Variants in BBOX1 observed in about 807,000 individuals in gnomAD.
The protein encoded by BBOX1 is gamma-butyrobetaine hydroxylase 1.
BBOX1 carries 35 observed loss-of-function variants against 41.6 expected under a neutral mutation model. That is an observed-to-expected ratio of 0.84 (90% CI 0.64 to 1.11). The LOEUF is 1.11. Ranked by LOEUF, BBOX1 falls within the 50% of genes most tolerant of loss-of-function variation. BBOX1 has a pLI of 0.00. For missense variants in BBOX1, 458 were observed against 460.6 expected, an observed-to-expected ratio of 0.99 and a Z score of 0.05; for synonymous variants, 163 against 154.7, an observed-to-expected ratio of 1.05 and a Z score of -0.40.
intron 5 of BBOX1, among the ~76,000 whole-genome samples, chr11:27,106,762 ACC>A (rs139097267): frequency 1.3e-5 from 2 of 152,074 alleles, no homozygotes; most frequent in Non-Finnish European, 2.9e-5. Context: ...AGAACTCTCC[ACC>A]CCCAAATCAA....
chr11:27,062,912 T>C (rs1857173683), intron 4 of BBOX1: 1 of 152,346 alleles, frequency 6.6e-6, no homozygotes, highest in Non-Finnish European at 1.5e-5. Context: ...TGCACCTGCT[T>C]GGCTCTTGGC....
At position 27,076,175 on chromosome 11, in the gene BBOX1, G is replaced by C. The variant is rs370472593; in HGVS notation, c.335-16993G>C. Among the ~76,000 whole-genome samples, 495 of 152,326 alleles carry C rather than the reference G, an allele frequency of 3.2e-3. 2 individuals carry two copies. Among genetic ancestry groups the C allele is most frequent in the African/African-American group, 0.011 (478 of 41,588 alleles). ...CACCTAGTGGGGCTGCCACACTCCA[G>C]GTTGGTGCTGGGAAATGTCTGCAAG... On this transcript the variant is annotated intron_variant, in intron 4 of 8. Transcript: ENST00000263182.
intron 4 of BBOX1, among the ~76,000 whole-genome samples, chr11:27,058,844 CT>C (rs1393815767): frequency 6.6e-6 from 1 of 152,068 alleles, no homozygotes; most frequent in Non-Finnish European, 1.5e-5. Context: ...TAAGTTGGAA[CT>C]TTAAAAGGAA....
intron 5 of BBOX1, among the ~76,000 whole-genome samples, chr11:27,110,641 C>T (rs1859027974): frequency 6.6e-6 from 1 of 151,956 alleles, no homozygotes; most frequent in African/African-American, 2.4e-5. Context: ...ATTCATAGAG[C>T]ACTTCCCACA....
intron 2 of BBOX1, among the ~76,000 whole-genome samples, chr11:27,051,082 T>G (rs1851656814): frequency 6.6e-6 from 1 of 152,086 alleles, no homozygotes. Context: ...TCTGCATCTA[T>G]TGAAATGTCC....
At chr11:27,072,642 C>G (rs1857493828) in intron 4 of BBOX1, among the ~76,000 whole-genome samples, 1 of 152,108 alleles carries the variant, frequency 6.6e-6, no homozygotes, top group South Asian at 2.1e-4. Flanking sequence ...AACAAAGTGG[C>G]AGGCATCAAG....
At chr11:27,113,601 A>G (rs1430759716) in intron 5 of BBOX1, among the ~76,000 whole-genome samples, 1 of 151,818 alleles carries the variant, frequency 6.6e-6, no homozygotes, top group Non-Finnish European at 1.5e-5. Flanking sequence ...AGAGCTAAAC[A>G]TTGAGTACAC....
chr11:27,064,049 C>T (rs923996303), intron 4 of BBOX1, among the ~76,000 whole-genome samples: 7 of 152,158 alleles, frequency 4.6e-5, no homozygotes, highest in African/African-American at 1.7e-4. Flanking sequence ...ATGCCTCGCC[C>T]ATGTGATATT....
chr11:27,103,008 G>C (rs1278676688), intron 5 of BBOX1, among the ~76,000 whole-genome samples: 2 of 152,026 alleles, frequency 1.3e-5, no homozygotes, highest in African/African-American at 4.8e-5. Flanking sequence ...GGCCAACATA[G>C]TGAAAACCTG....
intron 2 of BBOX1, among the ~76,000 whole-genome samples, chr11:27,049,238 C>A (rs929210702): frequency 9.9e-5 from 15 of 151,922 alleles, no homozygotes; most frequent in Non-Finnish European, 7.4e-5. Flanking sequence ...CTCACCAAGA[C>A]TTATCTTTTG....
chr11:27,060,316 C>G lies in BBOX1; in HGVS notation c.334+3001C>G, dbSNP rs574859181. Among the ~76,000 whole-genome samples, 6 of 152,202 alleles carry G rather than the reference C, an allele frequency of 3.9e-5. No individual in the cohort carries two copies. The South Asian group carries it at 1.0e-3, about 26-fold the overall frequency. On this transcript the variant is annotated intron_variant, in intron 4 of 8. Coordinates refer to ENST00000263182, the MANE Select transcript of BBOX1 (RefSeq NM_003986.3). Reference sequence around the variant, plus strand: ...TTTGCTATGTGATCTGCCTGCTCCCCCTTTCAGCTTCCATCATGATTTTAA... The same window carrying G: ...TTTGCTATGTGATCTGCCTGCTCCCGCTTTCAGCTTCCATCATGATTTTAA...
intron 5 of BBOX1, among the ~76,000 whole-genome samples, chr11:27,094,662 C>T (rs549396519): frequency 1.1e-4 from 16 of 152,080 alleles, no homozygotes; most frequent in African/African-American, 2.2e-4. Flanking sequence ...CTACTCTTTA[C>T]GTTTGCCACC....
At chr11:27,050,539 T>C (rs986541739) in intron 2 of BBOX1, among the ~76,000 whole-genome samples, 2 of 152,184 alleles carry the variant, frequency 1.3e-5, no homozygotes, top group Non-Finnish European at 2.9e-5. Context: ...CATCGTCTTA[T>C]AGCTTTCAGT....
intron 2 of BBOX1, among the ~76,000 whole-genome samples, chr11:27,048,583 C>T (rs1851566809): frequency 6.6e-6 from 1 of 151,308 alleles, no homozygotes; most frequent in Non-Finnish European, 1.5e-5. Context: ...TTGATATATA[C>T]CACATTTTTA....
rs1455373670 is a variant in BBOX1 at position 27,069,790 on chromosome 11, C to G, written c.334+12475C>G. ...GTTATATATGGCCTTTATTCACCTC[C>G]TAGCATTTTGAGGTACGTTCCTTCA... On this transcript the variant is annotated intron_variant, in intron 4 of 8. Transcript: ENST00000263182. Among the ~76,000 whole-genome samples the G allele has an allele frequency of 4.6e-5, 7 of 152,026 alleles. No homozygotes were observed. The East Asian group carries it at 1.2e-3, about 25-fold the overall frequency.
At chr11:27,105,290 C>T (rs1011644756) in intron 5 of BBOX1, among the ~76,000 whole-genome samples, 3 of 152,002 alleles carry the variant, frequency 2.0e-5, no homozygotes, top group Admixed American at 6.6e-5. Context: ...CAAACTTCTC[C>T]GAGCTAAATA....
intron 2 of BBOX1, among the ~76,000 whole-genome samples, chr11:27,051,142 T>G (rs1241045682): frequency 6.6e-5 from 10 of 152,088 alleles, no homozygotes; most frequent in Non-Finnish European, 1.5e-4. Context: ...ATTTACTGAT[T>G]TGTGTGTGTC....
At position 27,086,655 on chromosome 11, in the gene BBOX1, G is replaced by A. The variant is rs796697864; in HGVS notation, c.335-6513G>A. Among the ~76,000 whole-genome samples the A allele has an allele frequency of 1.1e-4, 16 of 152,216 alleles. 1 individual carries two copies. Among genetic ancestry groups the A allele is most frequent in the African/African-American group, 3.4e-4 (14 of 41,562 alleles). ...CGCAACATTCATTCTGCAGCCCAGG[G>A]AGCAAGGAGTCATTTTGACTTCCAG... On this transcript the variant is annotated intron_variant, in intron 4 of 8. Coordinates refer to ENST00000263182, the MANE Select transcript of BBOX1 (RefSeq NM_003986.3).
At chr11:27,057,172 T>C (rs752974322) in intron 3 of BBOX1, 29 bp from the exon 4 acceptor site, 4 of 1,443,294 alleles carry the variant, frequency 2.8e-6, no homozygotes, top group African/African-American at 1.5e-5. Flanking sequence ...AAAATCCACA[T>C]AGGTGAAATT....
Sources: allele counts gnomAD v4.1 joint callset (sites outside exome capture counted in the v4.1 genomes callset), GRCh38; gene constraint gnomAD v4.1.1; transcripts MANE v1.5; gene names NCBI Gene and HGNC (gene_info 2026-07-23, HGNC 2026-07-21).